Variants in LY96 observed in about 807,000 individuals in gnomAD.
LY96 encodes lymphocyte antigen 96.
A neutral mutation model predicts 18.9 loss-of-function variants in LY96; 18 were observed. The observed-to-expected ratio is 0.95, with a 90% CI of 0.66 to 1.41. The LOEUF (loss-of-function observed/expected upper bound fraction) is 1.41. Among genes scored for constraint, LY96 ranks in the 40% most tolerant of loss-of-function variants. The pLI, the probability that LY96 is intolerant of heterozygous loss-of-function variation, is 0.00. For synonymous variants in LY96, 66 were observed against 62.6 expected (o/e 1.06, Z -0.26); for missense variants, 175 against 182.4 (o/e 0.96, Z 0.23).
chr8:74,077,220 G>T, the LY96 span, among the ~76,000 whole-genome samples: 1 of 152,226 alleles, frequency 6.6e-6, no homozygotes, highest in South Asian at 2.1e-4. Flanking sequence ...CTCATTGTTC[G>T]AGAGTTTTTA....
At chr8:74,000,669 A>C (rs1356284552) in intron 1 of LY96, among the ~76,000 whole-genome samples, 1 of 152,130 alleles carries the variant, frequency 6.6e-6, no homozygotes, top group Non-Finnish European at 1.5e-5. Context: ...TGTTACAGCA[A>C]CACCTCACCT....
chr8:74,034,691 A>C, the LY96 span, among the ~76,000 whole-genome samples: 3 of 152,206 alleles, frequency 2.0e-5, no homozygotes, highest in African/African-American at 7.2e-5. Flanking sequence ...TAGAGATGCG[A>C]ATCTCCCTCA....
At chr8:74,053,041 C>A in the LY96 span, among the ~76,000 whole-genome samples, 3 of 152,128 alleles carry the variant, frequency 2.0e-5, no homozygotes, top group African/African-American at 7.2e-5. Flanking sequence ...GCCAAGCAAC[C>A]CTTGCACATC....
chr8:74,065,901 G>T, the LY96 span, among the ~76,000 whole-genome samples: 2 of 152,186 alleles, frequency 1.3e-5, no homozygotes, highest in Non-Finnish European at 2.9e-5. Context: ...ATATTGGTGA[G>T]TACAAAGGTG....
At chr8:74,014,043 G>A (rs542237235) in intron 3 of LY96, among the ~76,000 whole-genome samples, 24 of 152,094 alleles carry the variant, frequency 1.6e-4, no homozygotes, top group Admixed American at 1.2e-3. Flanking sequence ...AGGGCTGAAC[G>A]AGACGGCGGC....
chr8:74,080,713 G>A, the LY96 span, among the ~76,000 whole-genome samples: 1 of 152,176 alleles, frequency 6.6e-6, no homozygotes, highest in Non-Finnish European at 1.5e-5. Flanking sequence ...GGTAAACGGG[G>A]TAGAATTGCA....
At chr8:74,082,109 T>G in the LY96 span, among the ~76,000 whole-genome samples, 16 of 152,224 alleles carry the variant, frequency 1.1e-4, no homozygotes, top group Non-Finnish European at 2.1e-4. Flanking sequence ...GTGCTCCTCC[T>G]TATCCAGTTG....
At chr8:74,017,630 A>C (rs1455015281) in intron 3 of LY96, among the ~76,000 whole-genome samples, 2 of 152,198 alleles carry the variant, frequency 1.3e-5, no homozygotes, top group Non-Finnish European at 2.9e-5. Flanking sequence ...TGAAGGAAAA[A>C]ATGTTAAGGG....
At chr8:74,055,621 A>G in the LY96 span, among the ~76,000 whole-genome samples, 2 of 152,208 alleles carry the variant, frequency 1.3e-5, no homozygotes, top group African/African-American at 4.8e-5. Flanking sequence ...CTACACAGCA[A>G]AAGGGACTTT....
At chr8:74,054,514 C>CT in the LY96 span, among the ~76,000 whole-genome samples, 11 of 139,736 alleles carry the variant, frequency 7.9e-5, no homozygotes, top group Non-Finnish European at 1.4e-4. Flanking sequence ...TTTTTCTTTT[C>CT]TTTCTTTTCC....
At chr8:73,992,631 G>A (rs1394102166) in intron 1 of LY96, among the ~76,000 whole-genome samples, 1 of 152,116 alleles carries the variant, frequency 6.6e-6, no homozygotes, top group Non-Finnish European at 1.5e-5. Flanking sequence ...CCACATGTGA[G>A]GAGGAGACTT....
At chr8:73,992,836 CTGTGTGTGTGTGTG>C (rs34327741) in intron 1 of LY96, among the ~76,000 whole-genome samples, 13 of 141,880 alleles carry the variant, frequency 9.2e-5, no homozygotes, top group African/African-American at 2.1e-4. Flanking sequence ...AATTATGCCA[CTGTGTGTGTGTGTG>C]TGTGTGTGTG....
the LY96 span, among the ~76,000 whole-genome samples, chr8:74,051,268 C>T: frequency 1.3e-5 from 2 of 152,134 alleles, no homozygotes; most frequent in Non-Finnish European, 2.9e-5. Context: ...ATGAGAACAA[C>T]ATGCTTTCAG....
intron 1 of LY96, among the ~76,000 whole-genome samples, chr8:74,003,222 C>CG (rs1816336078): frequency 6.6e-6 from 1 of 152,074 alleles, no homozygotes; most frequent in South Asian, 2.1e-4. Context: ...AGAGAGACCT[C>CG]GGGGGAAAGC....
At chr8:74,054,774 C>T in the LY96 span, among the ~76,000 whole-genome samples, 37 of 150,406 alleles carry the variant, frequency 2.5e-4, no homozygotes, top group African/African-American at 9.1e-4. Context: ...AGTAATCCTC[C>T]TACCTCAGCC....
At chr8:73,995,308 G>T (rs922048895) in intron 1 of LY96, among the ~76,000 whole-genome samples, 1 of 152,230 alleles carries the variant, frequency 6.6e-6, no homozygotes, top group African/African-American at 2.4e-5. Flanking sequence ...GCAGCACAAA[G>T]TGGACTAAGA....
At chr8:74,051,543 C>G in the LY96 span, among the ~76,000 whole-genome samples, 1 of 152,082 alleles carries the variant, frequency 6.6e-6, no homozygotes, top group African/African-American at 2.4e-5. Flanking sequence ...GAATGTACCC[C>G]CAAATTCATT....
At chr8:74,089,971 T>C in the LY96 span, among the ~76,000 whole-genome samples, 2 of 151,928 alleles carry the variant, frequency 1.3e-5, no homozygotes, top group East Asian at 1.9e-4. Context: ...GATTGGGGCC[T>C]GGGAGGATGG....
chr8:74,010,961 G>C (rs189015281), intron 3 of LY96, among the ~76,000 whole-genome samples: 3 of 151,180 alleles, frequency 2.0e-5, no homozygotes, highest in South Asian at 4.2e-4. Flanking sequence ...GAATTACATT[G>C]ATATTTTACC....
Sources: gnomAD v4.1 joint callset for allele counts (sites outside exome capture counted in the v4.1 genomes callset) on GRCh38, gnomAD v4.1.1 for gene constraint, MANE v1.5 for transcripts, NCBI Gene and HGNC (gene_info 2026-07-23, HGNC 2026-07-21) for gene names.